SV2C: variants seen among roughly 807,000 people sequenced by gnomAD.
The protein encoded by SV2C is synaptic vesicle glycoprotein 2C.
A neutral mutation model predicts 79.7 loss-of-function variants in SV2C; 49 were observed. The ratio of observed to expected loss-of-function variants is 0.61; its 90% CI spans 0.49 to 0.78. The LOEUF (loss-of-function observed/expected upper bound fraction) is 0.78, where lower values mean the gene tolerates loss of function less well. SV2C is among the 30% of genes least tolerant of loss of function. The pLI, the probability that SV2C is intolerant of heterozygous loss-of-function variation, is 0.00. For missense variants in SV2C, 833 were observed against 912.9 expected (o/e 0.91, Z 1.13); for synonymous variants, 334 against 333.2 (o/e 1.00, Z -0.03).
the SV2C span, among the ~76,000 whole-genome samples, chr5:75,995,636 C>T: frequency 6.6e-6 from 1 of 152,090 alleles, no homozygotes; most frequent in East Asian, 1.9e-4. Flanking sequence ...TCTGTGTAAC[C>T]TTTATTTTCA....
At chr5:76,215,380 C>T (rs137961689) in intron 4 of SV2C, among the ~76,000 whole-genome samples, 2,077 of 152,164 alleles carry the variant, frequency 0.014, 23 homozygotes, top group South Asian at 0.033. Context: ...TTTGAGTTTC[C>T]GTATTGTTGG....
intron 4 of SV2C, among the ~76,000 whole-genome samples, chr5:76,223,191 A>G (rs1236430966): frequency 6.6e-6 from 1 of 151,956 alleles, no homozygotes; most frequent in Non-Finnish European, 1.5e-5. Context: ...TGTTTTAAAA[A>G]TTATCTTAGG....
the SV2C span, among the ~76,000 whole-genome samples, chr5:76,051,690 C>G: frequency 6.6e-6 from 1 of 152,032 alleles, no homozygotes; most frequent in Non-Finnish European, 1.5e-5. Context: ...TTCATAAATT[C>G]ATAAAAATCT....
chr5:75,873,372 A>G, the SV2C span, among the ~76,000 whole-genome samples: 1 of 149,912 alleles, frequency 6.7e-6, no homozygotes, highest in Admixed American at 6.7e-5. Context: ...CATCTAATAA[A>G]TATGTCATCA....
chr5:76,062,061 TA>T, the SV2C span, among the ~76,000 whole-genome samples: 16 of 152,108 alleles, frequency 1.1e-4, no homozygotes, highest in Non-Finnish European at 2.2e-4. Flanking sequence ...TAGTGACCCC[TA>T]AAACGTTTAT....
the SV2C span, among the ~76,000 whole-genome samples, chr5:75,875,027 G>A: frequency 2.0e-5 from 3 of 151,956 alleles, no homozygotes; most frequent in African/African-American, 7.3e-5. Flanking sequence ...AACTACCAAC[G>A]ACATTCTTCA....
At chr5:76,013,111 A>G in the SV2C span, among the ~76,000 whole-genome samples, 1 of 152,144 alleles carries the variant, frequency 6.6e-6, no homozygotes, top group African/African-American at 2.4e-5. Context: ...TTCCATATGA[A>G]ATGTAACGTA....
the SV2C span, among the ~76,000 whole-genome samples, chr5:75,935,851 T>C: frequency 2.6e-5 from 4 of 152,210 alleles, no homozygotes; most frequent in Admixed American, 6.5e-5. Context: ...TCTATTCATT[T>C]CTGTATCATT....
At chr5:76,117,097 CA>C (rs1415606070) in intron 1 of SV2C, among the ~76,000 whole-genome samples, 1 of 152,194 alleles carries the variant, frequency 6.6e-6, no homozygotes, top group Non-Finnish European at 1.5e-5. Context: ...CTCTGTTCCA[CA>C]AATGGAATTC....
intron 4 of SV2C, among the ~76,000 whole-genome samples, chr5:76,228,070 TTC>T (rs1290627263): frequency 1.3e-5 from 2 of 151,756 alleles, no homozygotes; most frequent in South Asian, 2.1e-4. Flanking sequence ...CTCTCTCTCT[TTC>T]TCTCTCTTTT....
the SV2C span, among the ~76,000 whole-genome samples, chr5:75,997,460 C>A: frequency 6.6e-6 from 1 of 152,096 alleles, no homozygotes; most frequent in East Asian, 1.9e-4. Flanking sequence ...GGGCTAATAT[C>A]CAGAATCTAC....
At chr5:75,944,043 G>A in the SV2C span, among the ~76,000 whole-genome samples, 2 of 152,064 alleles carry the variant, frequency 1.3e-5, no homozygotes, top group Non-Finnish European at 2.9e-5. Flanking sequence ...TAAGAGACAG[G>A]GTCTTGCTCT....
the SV2C span, among the ~76,000 whole-genome samples, chr5:75,923,053 C>T: frequency 6.6e-6 from 1 of 152,156 alleles, no homozygotes; most frequent in African/African-American, 2.4e-5. Context: ...AGCTTTGATA[C>T]TGGCATAAAA....
chr5:76,027,895 C>T, the SV2C span, among the ~76,000 whole-genome samples: 1 of 152,172 alleles, frequency 6.6e-6, no homozygotes, highest in Admixed American at 6.6e-5. Flanking sequence ...TGTTACATGT[C>T]CTGCATGAGT....
the SV2C span, among the ~76,000 whole-genome samples, chr5:75,934,298 CTTTCT>C: frequency 4.6e-5 from 4 of 87,586 alleles, no homozygotes; most frequent in African/African-American, 2.6e-4. Flanking sequence ...TTTTTTCTTT[CTTTCT>C]TTTTTTTTTT....
chr5:76,001,006 TAA>T, the SV2C span, among the ~76,000 whole-genome samples: 2 of 136,858 alleles, frequency 1.5e-5, no homozygotes, highest in Non-Finnish European at 3.2e-5. Flanking sequence ...TCGGTACAAT[TAA>T]AAAAAAAAAA....
intron 2 of SV2C, among the ~76,000 whole-genome samples, chr5:76,165,228 C>T (rs542354558): frequency 6.6e-6 from 1 of 152,204 alleles, no homozygotes; most frequent in South Asian, 2.1e-4. Flanking sequence ...CCCAGCTTCC[C>T]CCAATGATAA....
the SV2C span, among the ~76,000 whole-genome samples, chr5:76,004,258 T>C: frequency 2.6e-5 from 4 of 152,194 alleles, no homozygotes; most frequent in Non-Finnish European, 5.9e-5. Flanking sequence ...CAACATACAC[T>C]ACCAGAAAAT....
At chr5:76,279,789 A>T (rs1054192269) in intron 4 of SV2C, among the ~76,000 whole-genome samples, 1 of 152,136 alleles carries the variant, frequency 6.6e-6, no homozygotes, top group African/African-American at 2.4e-5. Context: ...CAGGTGTCAG[A>T]TAGAGATATG....
Sources: allele counts gnomAD v4.1 joint callset (sites outside exome capture counted in the v4.1 genomes callset), GRCh38; gene constraint gnomAD v4.1.1; transcripts MANE v1.5; gene names NCBI Gene and HGNC (gene_info 2026-07-23, HGNC 2026-07-21).